The following SHLD2 variants were observed in gnomAD, a reference collection of about 807,000 sequenced individuals.
The protein encoded by SHLD2 is RINN1-REV7-interacting novel NHEJ regulator 2.
SHLD2 carries 30 observed loss-of-function variants against 73.2 expected under a neutral mutation model. The ratio of observed to expected loss-of-function variants is 0.41; its 90% CI spans 0.31 to 0.56. The LOEUF (loss-of-function observed/expected upper bound fraction) is 0.56. Ranked by LOEUF, SHLD2 falls within the 20% of genes least tolerant of loss-of-function variation. SHLD2 has a pLI of 0.28. For missense variants in SHLD2, 745 were observed against 1,055.9 expected, an observed-to-expected ratio of 0.71 and a Z score of 4.08; for synonymous variants, 285 against 370.1, an observed-to-expected ratio of 0.77 and a Z score of 2.64.
chr10:87,147,781 T>C (rs188349827), intron 2 of SHLD2, among the ~76,000 whole-genome samples: 44 of 152,254 alleles, frequency 2.9e-4, no homozygotes, highest in African/African-American at 1.0e-3. Flanking sequence ...ATGCAGATAA[T>C]GGGCAGTTCC....
At chr10:87,151,052 T>G (rs1845977146) in intron 2 of SHLD2, among the ~76,000 whole-genome samples, 2 of 152,246 alleles carry the variant, frequency 1.3e-5, no homozygotes, top group South Asian at 4.1e-4. Flanking sequence ...CTCAATCTCC[T>G]GACCTCGTGA....
chr10:87,169,649 C>G (rs1404829272), intron 4 of SHLD2, among the ~76,000 whole-genome samples: 1 of 150,902 alleles, frequency 6.6e-6, no homozygotes, highest in Non-Finnish European at 1.5e-5. Context: ...ATCACGTACT[C>G]AAGCATACTT....
chr10:87,097,393 T>C (rs1564572450), intron 2 of SHLD2, among the ~76,000 whole-genome samples: 1 of 152,038 alleles, frequency 6.6e-6, no homozygotes, highest in Non-Finnish European at 1.5e-5. Flanking sequence ...AAACCTTGTC[T>C]CTACTAAAAA....
At chr10:87,111,967 G>A (rs1842952716) in intron 2 of SHLD2, among the ~76,000 whole-genome samples, 1 of 151,706 alleles carries the variant, frequency 6.6e-6, no homozygotes, top group South Asian at 2.1e-4. Context: ...GCCAGGTGCG[G>A]TAGCTCACGC....
At chr10:87,150,308 A>AC (rs1481121910) in intron 2 of SHLD2, among the ~76,000 whole-genome samples, 50 of 145,664 alleles carry the variant, frequency 3.4e-4, no homozygotes, top group African/African-American at 1.2e-3. Context: ...CAAGTGATCC[A>AC]CCCCCTTGGC....
At chr10:87,143,501 T>C (rs956073381) in intron 2 of SHLD2, among the ~76,000 whole-genome samples, 1 of 152,218 alleles carries the variant, frequency 6.6e-6, no homozygotes, top group Non-Finnish European at 1.5e-5. Context: ...ATTTGAGTCT[T>C]ACCTCAGTCT....
intron 2 of SHLD2, among the ~76,000 whole-genome samples, chr10:87,101,686 A>C (rs1420213098): frequency 6.6e-6 from 1 of 152,232 alleles, no homozygotes; most frequent in Non-Finnish European, 1.5e-5. Context: ...AGGTGGGTGG[A>C]TAACTTGAGG....
At chr10:87,141,067 C>G (rs1236501669) in intron 2 of SHLD2, among the ~76,000 whole-genome samples, 1 of 151,008 alleles carries the variant, frequency 6.6e-6, no homozygotes, top group East Asian at 2.0e-4. Context: ...ATCGCTTGAG[C>G]CCAGAAATTG....
At chr10:87,127,615 G>C (rs2134128450) in intron 2 of SHLD2, among the ~76,000 whole-genome samples, 1 of 145,770 alleles carries the variant, frequency 6.9e-6, no homozygotes, top group African/African-American at 2.5e-5. Flanking sequence ...TTGAATGTTT[G>C]GGTAGACAAG....
intron 2 of SHLD2, among the ~76,000 whole-genome samples, chr10:87,111,377 A>G (rs1357884867): frequency 1.3e-5 from 2 of 151,506 alleles, no homozygotes; most frequent in Non-Finnish European, 2.9e-5. Flanking sequence ...CACAGTGCTC[A>G]CTCCTGTAAT....
At position 87,178,729 on chromosome 10, in the gene SHLD2, T is replaced by A. The variant is rs553473553; in HGVS notation, c.2171-1346T>A. Among the ~76,000 whole-genome samples, 7 of 152,094 alleles carry A rather than the reference T, an allele frequency of 4.6e-5. No homozygotes were observed. The South Asian group carries it at 6.2e-4, about 14-fold the overall frequency. On this transcript the variant is annotated intron_variant, in intron 7 of 9. Coordinates refer to ENST00000298786, the MANE Select transcript of SHLD2 (RefSeq NM_001330112.2). ...GAGACTGTCTCAAAACAAAAAAAAA[T>A]AATAATAATTTTGTAGTGATTTGAC...
intron 2 of SHLD2, among the ~76,000 whole-genome samples, chr10:87,125,473 CG>C (rs2037595011): frequency 6.6e-6 from 1 of 152,164 alleles, no homozygotes; most frequent in African/African-American, 2.4e-5. Context: ...TGGTGGCTGA[CG>C]CCTGTAATCC....
intron 2 of SHLD2, among the ~76,000 whole-genome samples, chr10:87,139,908 GTGATTAACAGCAGA>G (rs1358329135): frequency 1.3e-5 from 2 of 152,176 alleles, no homozygotes; most frequent in African/African-American, 2.4e-5. Context: ...AAAACTGGAT[GTGATTAACAGCAGA>G]TTAGACACTG....
intron 3 of SHLD2, among the ~76,000 whole-genome samples, chr10:87,156,562 C>G (rs1215800593): frequency 6.6e-6 from 1 of 152,042 alleles, no homozygotes; most frequent in African/African-American, 2.4e-5. Context: ...AAAGGACAAA[C>G]AGAATAAGGA....
At chr10:87,119,410 A>G (rs1843446523) in intron 2 of SHLD2, among the ~76,000 whole-genome samples, 1 of 152,004 alleles carries the variant, frequency 6.6e-6, no homozygotes, top group South Asian at 2.1e-4. Flanking sequence ...AATCGTCTCT[A>G]GAACATGTGA....
intron 4 of SHLD2, among the ~76,000 whole-genome samples, chr10:87,159,265 A>G (rs1230583030): frequency 2.0e-5 from 3 of 152,204 alleles, no homozygotes; most frequent in Admixed American, 1.3e-4. Flanking sequence ...GGAATGGGCA[A>G]GGTTTCATTA....
At chr10:87,182,044 A>G (rs1405222526) in intron 8 of SHLD2, among the ~76,000 whole-genome samples, 1 of 152,258 alleles carries the variant, frequency 6.6e-6, no homozygotes, top group East Asian at 1.9e-4. Flanking sequence ...CTGGAATTAC[A>G]GGTGTGAGCC....
At chr10:87,140,426 A>AG (rs1375361290) in intron 2 of SHLD2, among the ~76,000 whole-genome samples, 2 of 151,392 alleles carry the variant, frequency 1.3e-5, no homozygotes, top group African/African-American at 4.9e-5. Context: ...TCTCAAAAAA[A>AG]AAAAAAAAAG....
At position 87,158,070 on chromosome 10, in the gene SHLD2, A is replaced by G. The variant is rs1846560620; in HGVS notation, c.1548A>G (p.Gln516=). ...LLTDVVIHED[Q]WIGETVLQST... is the part of the protein sequence containing the mutation. ...TAGATGTTGTTATTCATGAGGACCAATGGATTGGCGAGACAGTACTACAAT... is the reference window on the plus strand; with the variant it reads ...TAGATGTTGTTATTCATGAGGACCAGTGGATTGGCGAGACAGTACTACAAT... Residue 516 remains glutamine (Q), a synonymous_variant, in exon 4 of 10, where the codon CAA becomes CAG. Coordinates refer to ENST00000298786, the MANE Select transcript of SHLD2 (RefSeq NM_001330112.2). 2.5e-6 allele frequency: 4 copies of G among 1,611,460 alleles called. No individual in the cohort carries two copies. Among genetic ancestry groups the G allele is most frequent in the South Asian group, 2.2e-5 (2 of 90,944 alleles).
Sources: allele counts gnomAD v4.1 joint callset (sites outside exome capture counted in the v4.1 genomes callset), GRCh38; gene constraint gnomAD v4.1.1; transcripts MANE v1.5; gene names NCBI Gene and HGNC (gene_info 2026-07-23, HGNC 2026-07-21).